WDR20: variants seen among roughly 807,000 people sequenced by gnomAD.
The protein encoded by WDR20 is WD repeat-containing protein 20.
Under a neutral mutation model 38.7 loss-of-function variants are expected in WDR20, and 3 were observed. The ratio of observed to expected loss-of-function variants is 0.08; its 90% confidence interval spans 0.04 to 0.20. The LOEUF (loss-of-function observed/expected upper bound fraction) is 0.20, where lower values mean the gene tolerates loss of function less well. Among genes scored for constraint, WDR20 ranks in the 10% least tolerant of loss-of-function variants. The probability of loss-of-function intolerance (pLI) is 1.00; values close to 1 mark genes in which losing one functional copy is unlikely to be tolerated. For missense variants in WDR20, 559 were observed against 727.7 expected, an observed-to-expected ratio of 0.77 and a Z score of 2.67; for synonymous variants, 298 against 285.6, an observed-to-expected ratio of 1.04 and a Z score of -0.44.
chr14:102,167,944 C>T (rs1002244728), intron 1 of WDR20, among the ~76,000 whole-genome samples: 2 of 152,194 alleles, frequency 1.3e-5, no homozygotes, highest in Non-Finnish European at 2.9e-5. Context: ...AGTGGGCAGA[C>T]TGCTATGGTA....
chr14:102,197,650 G>T, intron 2 of WDR20: 1 of 589,060 alleles, frequency 1.7e-6, no homozygotes, highest in East Asian at 2.8e-5. Flanking sequence ...TCTTATAAAA[G>T]CCTTTTCATG....
downstream of WDR20, among the ~76,000 whole-genome samples, chr14:102,217,997 G>GGACGGGA (rs1441728729): frequency 1.3e-5 from 2 of 152,226 alleles, no homozygotes; most frequent in Non-Finnish European, 2.9e-5. Context: ...TCCCTCTGGG[G>GGACGGGA]GACGCCAGTG....
chr14:102,191,947 A>T (rs1296650859), intron 1 of WDR20, among the ~76,000 whole-genome samples: 1 of 152,242 alleles, frequency 6.6e-6, no homozygotes, highest in Non-Finnish European at 1.5e-5. Flanking sequence ...TGAAAAAGAC[A>T]TACAGAATAT....
At position 102,208,528 on chromosome 14, in the gene WDR20, A is replaced by G. The variant is rs193151937; in HGVS notation, c.433-75A>G. On this transcript the variant is annotated intron_variant, in intron 2 of 2. Coordinates refer to ENST00000342702, the MANE Select transcript of WDR20 (RefSeq NM_144574.4). This position sits in a 1 kb window ranked among gnomAD's most constrained non-coding sequence, Gnocchi z 5.6. ...CTTGCCCCTTCCCATCGAGAAGCAC[A>G]CAAGTTTTCTTGCTGGAAAAGTAGA... 2 of 1,513,698 alleles carry G rather than the reference A, an allele frequency of 1.3e-6. No individual in the cohort carries two copies. Among genetic ancestry groups the G allele is most frequent in the South Asian group, 2.7e-5 (2 of 74,324 alleles). 93.8% of individuals were successfully genotyped at this position (1,513,698 alleles called of 1,614,324 possible).
chr14:102,162,056 G>A (rs892175913), intron 1 of WDR20, among the ~76,000 whole-genome samples: 2 of 152,184 alleles, frequency 1.3e-5, no homozygotes, highest in African/African-American at 4.8e-5. Context: ...GACTACTTTG[G>A]AGTTGGGGTA....
rs1233679287 is a variant in WDR20 at position 102,161,142 on chromosome 14, A to ATTTTTT, written c.249+20991_249+20996dup. On this transcript the variant is annotated intron_variant, in intron 1 of 2. Transcript: ENST00000342702. ...ACTGCATATATATATATATATATAT[A>ATTTTTT]TTTTTTTTTTTTTTTTTTTTTTTTT... Among the ~76,000 whole-genome samples the ATTTTTT allele has an allele frequency of 2.5e-3, 40 of 16,052 alleles. 6 individuals are homozygous for ATTTTTT. Among genetic ancestry groups the ATTTTTT allele is most frequent in the African/African-American group, 5.4e-3 (17 of 3,132 alleles). 10.5% of individuals were successfully genotyped at this position (16,052 alleles called of 152,430 possible). A position where few individuals can be genotyped will look rare whatever the true frequency, so the allele number is the denominator to read the frequency against.
intron 1 of WDR20, 123 bp downstream of exon 1, chr14:102,140,295 G>T: frequency 6.9e-7 from 1 of 1,446,086 alleles, no homozygotes; most frequent in Non-Finnish European, 9.3e-7. Context: ...GAGTGGGCCG[G>T]TAACTCCACT....
At position 102,140,015 on chromosome 14, in the gene WDR20, A is replaced by C; in HGVS notation, c.92A>C (p.Glu31Ala). 1.2e-6 allele frequency: 2 copies of C among 1,614,234 alleles called. No individual in the cohort carries two copies. Among genetic ancestry groups the C allele is most frequent in the Non-Finnish European group, 8.5e-7 (1 of 1,180,036 alleles). Residue 31 changes from glutamate (E) to alanine (A), a missense_variant, in exon 1 of 3, where the codon GAG (glutamate) becomes GCG (alanine). Transcript: ENST00000342702. ...EGLYKLLPHS[E>A]YSRPNRVPFN... ...CTGTACAAGCTGCTGCCGCACTCGG[A>C]GTACAGCCGGCCCAACCGGGTGCCC...
intron 1 of WDR20, among the ~76,000 whole-genome samples, chr14:102,188,510 A>G (rs549388641): frequency 2.0e-5 from 3 of 152,268 alleles, no homozygotes; most frequent in East Asian, 1.9e-4. Context: ...TCAAGGACCT[A>G]TAGGCTCATT....
At chr14:102,153,528 G>A (rs934033949) in intron 1 of WDR20, among the ~76,000 whole-genome samples, 5 of 151,890 alleles carry the variant, frequency 3.3e-5, no homozygotes, top group Middle Eastern at 3.4e-3. Context: ...GGATGGTCTC[G>A]ATTTCCTAAC....
Position 102,163,954 on chromosome 14 carries a change from G to A in WDR20, c.249+23782G>A, listed in dbSNP as rs960770979. On this transcript the variant is annotated intron_variant, in intron 1 of 2. Transcript: ENST00000342702. ...TTTCCTCCCTTTAAATTATAGAATCGGTGTACACGTAGTTAGCAAGACTGA... is the reference window on the plus strand; with the variant it reads ...TTTCCTCCCTTTAAATTATAGAATCAGTGTACACGTAGTTAGCAAGACTGA... Among the ~76,000 whole-genome samples the A allele has an allele frequency of 3.3e-5, 5 of 151,974 alleles. No individual in the cohort carries two copies. In the South Asian group the frequency reaches 6.2e-4, roughly 19 times the overall value.
chr14:102,177,932 A>G (rs567103985), intron 1 of WDR20, among the ~76,000 whole-genome samples: 3 of 152,320 alleles, frequency 2.0e-5, no homozygotes, highest in East Asian at 3.9e-4. Flanking sequence ...CTTATCTGCA[A>G]TCCTGCAAAC....
chr14:102,224,702 A>ACAT, downstream of WDR20: 1 of 456,040 alleles, frequency 2.2e-6, no homozygotes, highest in Non-Finnish European at 4.4e-6. Context: ...TTCGGAGGAG[A>ACAT]CATTAGTTAC....
chr14:102,151,964 C>T (rs2056050386), intron 1 of WDR20, among the ~76,000 whole-genome samples: 1 of 152,018 alleles, frequency 6.6e-6, no homozygotes, highest in South Asian at 2.1e-4. Context: ...CTCTGTTGCC[C>T]AGGCTGGAGT....
chr14:102,163,621 C>G (rs951002558), intron 1 of WDR20, among the ~76,000 whole-genome samples: 1 of 31,920 alleles, frequency 3.1e-5, no homozygotes, highest in Admixed American at 5.0e-4. Flanking sequence ...GAGCAAGACT[C>G]TGTCTCAAAA....
intron 2 of WDR20, among the ~76,000 whole-genome samples, chr14:102,196,683 C>T (rs2059462866): frequency 6.6e-6 from 1 of 152,098 alleles, no homozygotes; most frequent in South Asian, 2.1e-4. Context: ...GGAGACCACA[C>T]GTCCCCAGAA....
chr14:102,197,485 G>T (rs1346529247), intron 2 of WDR20, among the ~76,000 whole-genome samples: 5 of 152,196 alleles, frequency 3.3e-5, no homozygotes, highest in Non-Finnish European at 7.3e-5. Context: ...GGTCTTAAAG[G>T]GTACATAGTC....
intron 1 of WDR20, among the ~76,000 whole-genome samples, chr14:102,180,103 A>C (rs1349230043): frequency 6.6e-6 from 1 of 152,192 alleles, no homozygotes; most frequent in East Asian, 1.9e-4. Flanking sequence ...CAGTCAGCTG[A>C]GACTGCACTC....
chr14:102,187,680 T>C (rs1596496132), intron 1 of WDR20, among the ~76,000 whole-genome samples: 1 of 151,370 alleles, frequency 6.6e-6, no homozygotes, highest in South Asian at 2.1e-4. Context: ...TCTGGCAGAG[T>C]GTAGGGCGAA....
Sources: gnomAD v4.1 joint callset for allele counts (sites outside exome capture counted in the v4.1 genomes callset) on GRCh38, gnomAD v4.1.1 for gene constraint, Gnocchi (gnomAD v3.1) non-coding constraint, MANE v1.5 for transcripts, NCBI Gene and HGNC (gene_info 2026-07-23, HGNC 2026-07-21) for gene names.